The following SLC35F4 variants were observed in gnomAD, a reference collection of about 807,000 sequenced individuals.
The protein encoded by SLC35F4 is solute carrier family 35 member F4.
Under a neutral mutation model 44.2 loss-of-function variants are expected in SLC35F4, and 24 were observed. That is an observed-to-expected ratio of 0.54 (90% CI 0.39 to 0.76). The LOEUF (loss-of-function observed/expected upper bound fraction) is 0.76. SLC35F4 is among the 30% of genes least tolerant of loss of function. The pLI is 0.00. For synonymous variants in SLC35F4, 238 were observed against 223.6 expected, an observed-to-expected ratio of 1.06 and a Z score of -0.57; for missense variants, 562 against 586.1, an observed-to-expected ratio of 0.96 and a Z score of 0.42.
In SLC35F4 at chr14:57,865,989, A is replaced by AGCAGCG. The variant is rs1555398710; in HGVS notation, c.-165_-164insCGCTGC. The AGCAGCG allele has an allele frequency of 8.0e-5, 30 of 373,324 alleles. No homozygotes were observed. Among genetic ancestry groups the AGCAGCG allele is most frequent in the Admixed American group, 2.5e-4 (5 of 20,074 alleles). 23.1% of individuals were successfully genotyped at this position (373,324 alleles called of 1,614,324 possible). A position where few individuals can be genotyped will look rare whatever the true frequency, so the allele number is the denominator to read the frequency against. ...CGGCGCAGCACCGGCTCCGCATCAC[A>AGCAGCG]GCGGCGGCGGCGGCGGCGGCGGCGG... On this transcript the variant is annotated 5_prime_UTR_variant, in exon 1 of 8. Transcript: ENST00000556826.
chr14:57,933,407 C>A (rs1889736031), intron 1 of SLC35F4, among the ~76,000 whole-genome samples: 1 of 152,184 alleles, frequency 6.6e-6, no homozygotes. Context: ...ATTTACAACA[C>A]AGTCCTCCTA....
chr14:57,633,930 A>G (rs1174998434), intron 1 of SLC35F4, among the ~76,000 whole-genome samples: 1 of 152,096 alleles, frequency 6.6e-6, no homozygotes, highest in African/African-American at 2.4e-5. Context: ...TAAAGGACTA[A>G]GAGCAGAAAA....
chr14:57,590,810 T>C (rs2070126367), intron 2 of SLC35F4, among the ~76,000 whole-genome samples: 2 of 152,262 alleles, frequency 1.3e-5, no homozygotes, highest in South Asian at 4.1e-4. Flanking sequence ...AGATTGCAAA[T>C]GGCAGTGGAT....
chr14:57,591,096 A>G (rs143694912), intron 2 of SLC35F4, among the ~76,000 whole-genome samples: 3,830 of 152,350 alleles, frequency 0.025, 72 homozygotes, highest in South Asian at 0.048. Flanking sequence ...TCCAGAAGAT[A>G]AAAACTGGCA....
chr14:57,602,617 C>T (rs1453742798), intron 1 of SLC35F4: 1 of 152,066 alleles, frequency 6.6e-6, no homozygotes, highest in Non-Finnish European at 1.5e-5. Flanking sequence ...AATAATCATA[C>T]CTTGTATGTA....
chr14:57,734,114 A>G (rs559629786), intron 1 of SLC35F4, among the ~76,000 whole-genome samples: 44 of 152,272 alleles, frequency 2.9e-4, no homozygotes, highest in Non-Finnish European at 4.6e-4. Context: ...ATGAAGTAGC[A>G]GTTGCCCCAT....
chr14:57,873,738 AAC>A (rs60973207), intron 1 of SLC35F4, among the ~76,000 whole-genome samples: 13 of 150,736 alleles, frequency 8.6e-5, no homozygotes, highest in Admixed American at 6.0e-4. Context: ...AGTGAATACA[AAC>A]ACACACACAC....
chr14:57,958,991 T>G (rs1890295019), intron 1 of SLC35F4, among the ~76,000 whole-genome samples: 1 of 151,900 alleles, frequency 6.6e-6, no homozygotes, highest in African/African-American at 2.4e-5. Flanking sequence ...AAGCCAGAGG[T>G]GCAGCCATGC....
intron 1 of SLC35F4, among the ~76,000 whole-genome samples, chr14:57,790,138 T>C (rs1436948684): frequency 2.0e-5 from 3 of 152,202 alleles, no homozygotes; most frequent in African/African-American, 7.2e-5. Context: ...TTGGAAGTTC[T>C]GGCCAGGGCA....
chr14:57,767,082 A>G (rs995589710), intron 1 of SLC35F4, among the ~76,000 whole-genome samples: 6 of 152,226 alleles, frequency 3.9e-5, no homozygotes, highest in African/African-American at 1.4e-4. Context: ...GCCTCAATAT[A>G]TATAAAACAA....
chr14:57,669,138 T>C (rs1350679537), intron 1 of SLC35F4, among the ~76,000 whole-genome samples: 1 of 152,096 alleles, frequency 6.6e-6, no homozygotes, highest in Non-Finnish European at 1.5e-5. Context: ...GTTTGTCTGT[T>C]ATTGGTGTAT....
chr14:57,682,730 T>C (rs2074946748), intron 1 of SLC35F4, among the ~76,000 whole-genome samples: 1 of 152,178 alleles, frequency 6.6e-6, no homozygotes, highest in South Asian at 2.1e-4. Flanking sequence ...GATATGAAGC[T>C]GATTTAACTG....
rs1399829678 is a variant in SLC35F4, at chr14:57,944,438, G to C, written n.282+37475C>G. Among the ~76,000 whole-genome samples, 3 of 152,040 alleles carry C rather than the reference G, an allele frequency of 2.0e-5. No individual in the cohort carries two copies. The East Asian group carries it at 5.8e-4, about 29-fold the overall frequency. ...AGAGTTCTTGTTTCCTAACAAAAAA[G>C]AGCATTTACCGCTTTCCCACCCTCA... is the stretch of plus-strand genomic sequence containing the variant. On this transcript the variant is annotated intron_variant and non_coding_transcript_variant, in intron 1 of 1. Transcript: ENST00000556568.
intron 1 of SLC35F4, among the ~76,000 whole-genome samples, chr14:57,789,686 A>G (rs1354383199): frequency 6.6e-6 from 1 of 152,224 alleles, no homozygotes; most frequent in African/African-American, 2.4e-5. Context: ...TGGCAGAGAC[A>G]CAACCAAAAA....
chr14:57,913,058 G>T (rs2141052637), intron 1 of SLC35F4, among the ~76,000 whole-genome samples: 1 of 151,994 alleles, frequency 6.6e-6, no homozygotes, highest in Non-Finnish European at 1.5e-5. Flanking sequence ...TCTGATGTTT[G>T]TTCTGTGGAA....
intron 1 of SLC35F4, among the ~76,000 whole-genome samples, chr14:57,758,441 T>C (rs1444089951): frequency 6.6e-6 from 1 of 152,170 alleles, no homozygotes; most frequent in African/African-American, 2.4e-5. Flanking sequence ...TTCTGTAATA[T>C]CTAATTTGCC....
intron 1 of SLC35F4, among the ~76,000 whole-genome samples, chr14:57,760,278 T>G (rs1045403890): frequency 3.9e-5 from 6 of 152,328 alleles, no homozygotes; most frequent in African/African-American, 1.4e-4. Flanking sequence ...CATAATTTGT[T>G]GGCAATATTA....
chr14:57,581,017 G>A, intron 4 of SLC35F4, 197 bp downstream of exon 4: 1 of 441,346 alleles, frequency 2.3e-6, no homozygotes, highest in Non-Finnish European at 3.9e-6. Flanking sequence ...TCACTAACCA[G>A]TGGAAACAAA....
At chr14:57,943,983 C>A (rs1460615584) in intron 1 of SLC35F4, among the ~76,000 whole-genome samples, 2 of 152,154 alleles carry the variant, frequency 1.3e-5, no homozygotes, top group Non-Finnish European at 2.9e-5. Context: ...AGCTATTGCA[C>A]CTCTCTGGGT....
Sources: allele counts gnomAD v4.1 joint callset (sites outside exome capture counted in the v4.1 genomes callset), GRCh38; gene constraint gnomAD v4.1.1; transcripts MANE v1.5; gene names NCBI Gene and HGNC (gene_info 2026-07-23, HGNC 2026-07-21).